Variants in SLCO1A2 observed in about 807,000 individuals in gnomAD.
SLCO1A2 encodes solute carrier organic anion transporter family member 1A2, also known as OATP-1.
SLCO1A2 carries 67 observed loss-of-function variants against 69.0 expected under a neutral mutation model. The observed-to-expected ratio is 0.97, with a 90% CI of 0.80 to 1.19. SLCO1A2 has a LOEUF of 1.19. SLCO1A2 is among the 50% of genes most tolerant of loss of function. The pLI, the probability that SLCO1A2 is intolerant of heterozygous loss-of-function variation, is 0.00. For missense variants in SLCO1A2, 787 were observed against 793.7 expected, an observed-to-expected ratio of 0.99 and a Z score of 0.10; for synonymous variants, 260 against 265.9, an observed-to-expected ratio of 0.98 and a Z score of 0.22.
intron 14 of SLCO1A2, 54 bp downstream of exon 14, chr12:21,274,415 C>T (rs1943423021): frequency 1.2e-5 from 14 of 1,160,070 alleles, no homozygotes; most frequent in Non-Finnish European, 1.6e-5. Flanking sequence ...AATGGTGCTG[C>T]GTTATGCACA....
chr12:21,289,354 T>A lies in SLCO1A2; in HGVS notation c.1610+2810A>T, dbSNP rs1189676765. The stretch of plus-strand genomic sequence containing the variant: ...TTTGTCATTCTTAAGGAGATTGTTT[T>A]GATCACACCTGAGTCTATAGTAATG... On this transcript the variant is annotated intron_variant, in intron 12 of 14. Coordinates refer to ENST00000683939, the MANE Select transcript of SLCO1A2 (RefSeq NM_001386879.1). Among the ~76,000 whole-genome samples, 5 of 152,240 alleles carry A rather than the reference T, an allele frequency of 3.3e-5. No individual in the cohort carries two copies. The East Asian group carries it at 9.7e-4, about 29-fold the overall frequency.
chr12:21,275,088 G>T, intron 13 of SLCO1A2: 2 of 1,041,012 alleles, frequency 1.9e-6, no homozygotes, highest in Admixed American at 5.2e-5. Flanking sequence ...TGTTTATCTA[G>T]TATTTAATAT....
chr12:21,299,906 G>A (rs1483945079), intron 8 of SLCO1A2, among the ~76,000 whole-genome samples: 4 of 139,254 alleles, frequency 2.9e-5, no homozygotes, highest in East Asian at 2.4e-4. Context: ...ATATATATAC[G>A]TGTGTGTATA....
intron 2 of SLCO1A2, among the ~76,000 whole-genome samples, chr12:21,326,069 C>T (rs1952200324): frequency 6.6e-6 from 1 of 152,080 alleles, no homozygotes; most frequent in Admixed American, 6.6e-5. Context: ...GTGGGTTTTC[C>T]CATGCTGTTC....
chr12:21,402,531 TG>T (rs1472579246), intron 1 of SLCO1A2, among the ~76,000 whole-genome samples: 3 of 152,104 alleles, frequency 2.0e-5, no homozygotes, highest in Non-Finnish European at 2.9e-5. Flanking sequence ...TACAATGGAA[TG>T]GGGTGGAGAA....
chr12:21,293,428 C>T (rs1165774919), intron 11 of SLCO1A2, among the ~76,000 whole-genome samples: 1 of 151,970 alleles, frequency 6.6e-6, no homozygotes, highest in African/African-American at 2.4e-5. Context: ...CACCAACCAA[C>T]GTTATATTAA....
intron 2 of SLCO1A2, among the ~76,000 whole-genome samples, chr12:21,348,928 T>A (rs1317657279): frequency 2.6e-5 from 4 of 152,086 alleles, no homozygotes; most frequent in African/African-American, 9.7e-5. Context: ...CGGGTGGTAA[T>A]GATGGGTCAG....
intron 13 of SLCO1A2, 88 bp from the exon 14 acceptor site, chr12:21,274,674 G>A (rs3736080): frequency 1.6e-5 from 15 of 939,320 alleles, no homozygotes; most frequent in East Asian, 1.5e-4. Flanking sequence ...TTATTTGTAC[G>A]GCAAAGTTTA....
At chr12:21,373,098 G>A (rs1939918178) in intron 2 of SLCO1A2, 1 of 503,724 alleles carries the variant, frequency 2.0e-6, no homozygotes, top group Non-Finnish European at 3.5e-6. Context: ...AAAGGCTAAA[G>A]GGAGAATGTA....
rs763126452 is a variant in SLCO1A2, at chr12:21,314,686, GA to G, written c.203-6del. 36 of 1,584,672 alleles carry G rather than the reference GA, an allele frequency of 2.3e-5. No individual in the cohort carries two copies. Among genetic ancestry groups the G allele is most frequent in the Non-Finnish European group, 2.9e-5 (33 of 1,155,656 alleles). ...ATATAATCAACAAAAGATTTCCTAGGAAAAAATTGAGAATAATCATTTTAAA... is the reference window on the plus strand; with the variant it reads ...ATATAATCAACAAAAGATTTCCTAGGAAAAATTGAGAATAATCATTTTAAA... On this transcript the variant is annotated splice_polypyrimidine_tract_variant and splice_region_variant and intron_variant, in intron 3 of 14. Transcript: ENST00000683939.
chr12:21,388,115 A>T (rs1051330582), intron 1 of SLCO1A2, among the ~76,000 whole-genome samples: 2 of 152,162 alleles, frequency 1.3e-5, no homozygotes, highest in Non-Finnish European at 2.9e-5. Flanking sequence ...TGTATCTAGG[A>T]AGTAACTTGC....
chr12:21,366,386 C>T (rs1939384053), intron 2 of SLCO1A2, among the ~76,000 whole-genome samples: 1 of 142,050 alleles, frequency 7.0e-6, no homozygotes, highest in Non-Finnish European at 1.5e-5. Flanking sequence ...ACATCACACA[C>T]ACGGGCCTGC....
intron 1 of SLCO1A2, among the ~76,000 whole-genome samples, chr12:21,381,756 A>G (rs1159493963): frequency 6.6e-6 from 1 of 152,242 alleles, no homozygotes; most frequent in Non-Finnish European, 1.5e-5. Flanking sequence ...AGATCATGCC[A>G]CTGCACTCCA....
intron 2 of SLCO1A2, among the ~76,000 whole-genome samples, chr12:21,369,450 G>A (rs1939626497): frequency 1.3e-5 from 2 of 152,154 alleles, no homozygotes; most frequent in Admixed American, 1.3e-4. Context: ...ATGAGAATTT[G>A]TCTTTCACTC....
chr12:21,393,263 AG>A (rs1941250523), intron 1 of SLCO1A2, among the ~76,000 whole-genome samples: 1 of 152,190 alleles, frequency 6.6e-6, no homozygotes, highest in Non-Finnish European at 1.5e-5. Flanking sequence ...AGTAGAACAC[AG>A]CCATGGTTCA....
At chr12:21,327,331 T>C (rs11045978) in intron 2 of SLCO1A2, among the ~76,000 whole-genome samples, 18,589 of 152,054 alleles carry the variant, frequency 0.12, 1,215 homozygotes, top group Non-Finnish European at 0.13. Context: ...GGAAGGGAAA[T>C]GTAGGGTTGA....
chr12:21,413,968 T>C (rs967247039), intron 1 of SLCO1A2, among the ~76,000 whole-genome samples: 1 of 152,158 alleles, frequency 6.6e-6, no homozygotes, highest in South Asian at 2.1e-4. Flanking sequence ...GCAAGCTTTT[T>C]GTTTGTTTGT....
At chr12:21,344,829 T>G (rs2136992480) in intron 2 of SLCO1A2, among the ~76,000 whole-genome samples, 1 of 152,162 alleles carries the variant, frequency 6.6e-6, no homozygotes, top group African/African-American at 2.4e-5. Context: ...TTAGAATGGG[T>G]TTTTTTCTTT....
intron 11 of SLCO1A2, 53 bp from the exon 12 acceptor site, chr12:21,292,389 T>TA (rs1264651905): frequency 3.4e-6 from 5 of 1,472,642 alleles, no homozygotes; most frequent in African/African-American, 2.8e-5. Context: ...AACACAAATT[T>TA]TAAACATTTT....
Sources: gnomAD v4.1 joint callset for allele counts (sites outside exome capture counted in the v4.1 genomes callset) on GRCh38, gnomAD v4.1.1 for gene constraint, MANE v1.5 for transcripts, NCBI Gene and HGNC (gene_info 2026-07-23, HGNC 2026-07-21) for gene names.